The following SMIM27 variants were observed in gnomAD, a reference collection of about 807,000 sequenced individuals.
SMIM27 encodes the protein TOPORS antisense RNA 1 (non-protein coding).
Under a neutral mutation model 1.8 loss-of-function variants are expected in SMIM27, and 3 were observed. That is an observed-to-expected ratio of 1.65 (90% CI 0.75 to 4.28). The LOEUF (loss-of-function observed/expected upper bound fraction) is 4.28, where lower values mean the gene tolerates loss of function less well. SMIM27 is among the 30% of genes most tolerant of loss of function. The pLI, the probability that SMIM27 is intolerant of heterozygous loss-of-function variation, is 0.02. For missense variants in SMIM27, 63 were observed against 37.0 expected (o/e 1.70, Z -1.83); for synonymous variants, 19 against 13.9 (o/e 1.37, Z -0.82).
At chr9:32,564,616 C>G (rs1821725929) in intron 1 of SMIM27, among the ~76,000 whole-genome samples, 1 of 152,106 alleles carries the variant, frequency 6.6e-6, no homozygotes. Context: ...CCTCTGTAAT[C>G]CAGTCCCACC....
At chr9:32,563,761 C>T (rs1796452712) in intron 1 of SMIM27, among the ~76,000 whole-genome samples, 1 of 152,146 alleles carries the variant, frequency 6.6e-6, no homozygotes, top group South Asian at 2.1e-4. Context: ...TATTAATTCA[C>T]TTATTTATAT....
Position 32,552,784 on chromosome 9 carries a change from T to C in SMIM27, c.46-17T>C. ...TATCAGGTAGATTTCACACCTCCTTTGCGATTTTTGGTTTAGTTGCTGCTT... is the reference window on the plus strand; with the variant it reads ...TATCAGGTAGATTTCACACCTCCTTCGCGATTTTTGGTTTAGTTGCTGCTT... On this transcript the variant is annotated splice_polypyrimidine_tract_variant and intron_variant, in intron 1 of 1. Coordinates refer to ENST00000692500, the MANE Select transcript of SMIM27 (RefSeq NM_001387564.1). 1 of 699,296 alleles carries C rather than the reference T, an allele frequency of 1.4e-6. No individual in the cohort carries two copies. Among genetic ancestry groups the C allele is most frequent in the Non-Finnish European group, 2.6e-6 (1 of 383,768 alleles). 43.3% of individuals were successfully genotyped at this position (699,296 alleles called of 1,614,324 possible). A position where few individuals can be genotyped will look rare whatever the true frequency, so the allele number is the denominator to read the frequency against.
chr9:32,553,917 C>T (rs190587227), downstream of SMIM27: 21 of 1,598,340 alleles, frequency 1.3e-5, no homozygotes, highest in Admixed American at 6.8e-5. Flanking sequence ...GGTGGAATTA[C>T]TTCTCCAGTC....
chr9:32,562,716 G>GAAATTAAC (rs1821659934), intron 1 of SMIM27, among the ~76,000 whole-genome samples: 1 of 152,104 alleles, frequency 6.6e-6, no homozygotes, highest in Non-Finnish European at 1.5e-5. Flanking sequence ...TCAAGATCAG[G>GAAATTAAC]AAATTAACAC....
At chr9:32,553,199 CT>C (rs539102970), downstream of SMIM27, 17,856 of 222,046 alleles carry the variant, frequency 0.08, 10 homozygotes, top group South Asian at 0.18. Context: ...ATTCGGAAAG[CT>C]TTTTTTTTTT....
At chr9:32,554,815 A>G (rs1357997403), downstream of SMIM27, among the ~76,000 whole-genome samples, 1 of 152,250 alleles carries the variant, frequency 6.6e-6, no homozygotes, top group African/African-American at 2.4e-5. Context: ...GCAGTCTGGT[A>G]GCAAAGATAA....
downstream of SMIM27, chr9:32,553,678 GTC>G: frequency 1.9e-6 from 1 of 523,858 alleles, no homozygotes; most frequent in East Asian, 3.3e-5. Flanking sequence ...AAAGTAGGTA[GTC>G]TCTCATATTT....
chr9:32,558,517 T>G (rs1358459784), intron 1 of SMIM27, among the ~76,000 whole-genome samples: 1 of 152,230 alleles, frequency 6.6e-6, no homozygotes, highest in Non-Finnish European at 1.5e-5. Context: ...CATGAGAGTT[T>G]GGAATTAATA....
chr9:32,551,266 T>C (rs1399831209), upstream of SMIM27: 16 of 554,498 alleles, frequency 2.9e-5, no homozygotes, highest in Admixed American at 4.9e-4. Context: ...CGAGAACTAG[T>C]TCGATGTCGT....
At chr9:32,555,577 T>G (rs913253691), downstream of SMIM27, among the ~76,000 whole-genome samples, 4 of 152,240 alleles carry the variant, frequency 2.6e-5, no homozygotes, top group African/African-American at 9.6e-5. Context: ...CTACCAAATA[T>G]TTTTCTTTTC....
intron 1 of SMIM27, 132 bp from the exon 2 acceptor site, chr9:32,552,669 A>G: frequency 1.6e-6 from 1 of 642,998 alleles, no homozygotes; most frequent in Non-Finnish European, 2.8e-6. Flanking sequence ...TGCTGGGTGT[A>G]CCCGCCACTG....
chr9:32,565,297 A>C (rs550576770), intron 1 of SMIM27: 78 of 152,288 alleles, frequency 5.1e-4, no homozygotes, highest in African/African-American at 1.9e-3. Context: ...GTCTCAAAAA[A>C]AAAAAAGAAA....
intron 1 of SMIM27, 64 bp downstream of exon 1, chr9:32,552,543 C>T: frequency 2.1e-6 from 3 of 1,460,576 alleles, no homozygotes; most frequent in African/African-American, 1.4e-5. Context: ...CGGAAAGGCC[C>T]TATTTCTTCA....
intron 1 of SMIM27, 102 bp from the exon 2 acceptor site, chr9:32,552,694 CGACTT>C (rs1314753055): frequency 6.1e-6 from 4 of 654,300 alleles, no homozygotes; most frequent in Admixed American, 4.6e-5. Context: ...CCCATTTATT[CGACTT>C]TGTTACTTTA....
chr9:32,557,309 G>A (rs1399233236), downstream of SMIM27, among the ~76,000 whole-genome samples: 2 of 147,860 alleles, frequency 1.4e-5, no homozygotes, highest in South Asian at 2.2e-4. Context: ...GATTACAGGC[G>A]TGCACCACCA....
At chr9:32,560,819 T>C (rs2119012080) in intron 1 of SMIM27, among the ~76,000 whole-genome samples, 1 of 152,314 alleles carries the variant, frequency 6.6e-6, no homozygotes, top group African/African-American at 2.4e-5. Flanking sequence ...TTTTACTAGA[T>C]GCATAGTTTA....
Position 32,552,388 on chromosome 9 carries a change from G to GC in SMIM27, c.-44dup, listed in dbSNP as rs759495909. ...CCACCGCCTGGGAGGTTACTGTAAG[G>GC]CCCGCAGCTCCCGCCAGCTCCCGCG... On this transcript the variant is annotated 5_prime_UTR_variant, in exon 1 of 2. Coordinates refer to ENST00000692500, the MANE Select transcript of SMIM27 (RefSeq NM_001387564.1). 67 of 1,605,796 alleles carry GC rather than the reference G, an allele frequency of 4.2e-5. No homozygotes were observed. In the Admixed American group the frequency reaches 1.1e-3, roughly 26 times the overall value.
intron 1 of SMIM27, among the ~76,000 whole-genome samples, chr9:32,564,731 A>G (rs2119022135): frequency 6.6e-6 from 1 of 152,316 alleles, no homozygotes; most frequent in Non-Finnish European, 1.5e-5. Context: ...ATTATCTGAG[A>G]TGATAGTAAC....
At chr9:32,566,462 C>G in exon 2 of SMIM27, 1 of 808,694 alleles carries the variant, frequency 1.2e-6, no homozygotes, top group Non-Finnish European at 2.2e-6. Context: ...GACAAGCAGC[C>G]GTCCATGTCG....
Sources: gnomAD v4.1 joint callset for allele counts (sites outside exome capture counted in the v4.1 genomes callset) on GRCh38, gnomAD v4.1.1 for gene constraint, MANE v1.5 for transcripts, NCBI Gene and HGNC (gene_info 2026-07-23, HGNC 2026-07-21) for gene names.